DNAH11: variants seen among roughly 807,000 people sequenced by gnomAD.
DNAH11 encodes axonemal beta dynein heavy chain 11.
DNAH11 carries 442 observed loss-of-function variants against 526.0 expected under a neutral mutation model. The observed-to-expected ratio is 0.84, with a 90% confidence interval of 0.78 to 0.91. The LOEUF is 0.91. DNAH11 is among the 40% of genes least tolerant of loss of function. The pLI, the probability that DNAH11 is intolerant of heterozygous loss-of-function variation, is 0.00. For missense variants in DNAH11, 6,989 were observed against 5,448.7 expected, an observed-to-expected ratio of 1.28 and a Z score of -8.90; for synonymous variants, 2,461 against 1,935.9, an observed-to-expected ratio of 1.27 and a Z score of -7.12.
At chr7:21,555,882 C>T (rs980634255) in intron 2 of DNAH11, among the ~76,000 whole-genome samples, 1 of 152,118 alleles carries the variant, frequency 6.6e-6, no homozygotes, top group Non-Finnish European at 1.5e-5. Context: ...CCAGACGGGC[C>T]CCCAAGTTTG....
At chr7:21,794,451 C>T (rs983714177) in intron 61 of DNAH11, among the ~76,000 whole-genome samples, 3 of 152,302 alleles carry the variant, frequency 2.0e-5, no homozygotes, top group African/African-American at 7.2e-5. Context: ...TAGATCACTG[C>T]TTCCTTTTCA....
intron 25 of DNAH11, among the ~76,000 whole-genome samples, chr7:21,635,454 C>T (rs1269450340): frequency 6.6e-6 from 1 of 152,118 alleles, no homozygotes; most frequent in African/African-American, 2.4e-5. Context: ...CCGTGCCCGG[C>T]CTATTTTTTT....
intron 28 of DNAH11, among the ~76,000 whole-genome samples, chr7:21,648,972 T>G (rs929112273): frequency 2.0e-5 from 3 of 152,230 alleles, no homozygotes; most frequent in African/African-American, 7.2e-5. Flanking sequence ...TGTGTTTCTC[T>G]TTACTTAAAA....
intron 76 of DNAH11, among the ~76,000 whole-genome samples, chr7:21,887,666 T>G (rs375397507): frequency 2.0e-5 from 3 of 152,190 alleles, no homozygotes; most frequent in Admixed American, 6.5e-5. Flanking sequence ...GAAATCTTTT[T>G]ATTATAAAGT....
chr7:21,814,418 G>C (rs897008752), intron 63 of DNAH11, among the ~76,000 whole-genome samples: 5 of 148,966 alleles, frequency 3.4e-5, no homozygotes, highest in Admixed American at 2.0e-4. Flanking sequence ...ACATTGTGCG[G>C]GTTAGTTACA....
At chr7:21,554,073 C>T (rs1273555455) in intron 2 of DNAH11, among the ~76,000 whole-genome samples, 2 of 151,928 alleles carry the variant, frequency 1.3e-5, no homozygotes, top group African/African-American at 4.8e-5. Flanking sequence ...TGTTGAATCT[C>T]CAATGCCTTT....
chr7:21,788,646 G>C (rs923280252), intron 60 of DNAH11, among the ~76,000 whole-genome samples: 1 of 152,126 alleles, frequency 6.6e-6, no homozygotes, highest in African/African-American at 2.4e-5. Flanking sequence ...TGCTTAAGGT[G>C]GTTGGGAACT....
intron 75 of DNAH11, among the ~76,000 whole-genome samples, chr7:21,882,166 C>T (rs185090609): frequency 6.6e-6 from 1 of 152,236 alleles, no homozygotes; most frequent in Admixed American, 6.5e-5. Context: ...TCCTATACAC[C>T]ATTGAGGTGG....
At chr7:21,612,282 A>G (rs540461719) in intron 20 of DNAH11, among the ~76,000 whole-genome samples, 150 of 151,970 alleles carry the variant, frequency 9.9e-4, no homozygotes, top group East Asian at 1.7e-3. Context: ...AAGGCTGGGC[A>G]TGGTGGCTCA....
intron 35 of DNAH11, among the ~76,000 whole-genome samples, chr7:21,697,585 G>T (rs950010195): frequency 6.6e-6 from 1 of 152,094 alleles, no homozygotes; most frequent in African/African-American, 2.4e-5. Flanking sequence ...TGTCTATTGT[G>T]TCTGTATGGT....
chr7:21,622,704 A>G (rs1441564944), intron 25 of DNAH11, among the ~76,000 whole-genome samples: 1 of 152,206 alleles, frequency 6.6e-6, no homozygotes, highest in Non-Finnish European at 1.5e-5. Flanking sequence ...CCTGAGAAAA[A>G]CAAGCAATGG....
At position 21,861,879 on chromosome 7, in the gene DNAH11, G is replaced by C; in HGVS notation, c.11229G>C (p.Ala3743=). The C allele has an allele frequency of 1.9e-6, 3 of 1,613,286 alleles. No homozygotes were observed. The highest frequency in any genetic ancestry group is 2.5e-6 in the Non-Finnish European group (3 of 1,179,642). Residue 3743 remains alanine, a synonymous_variant, in exon 69 of 82, where the codon GCG becomes GCC. Coordinates refer to ENST00000409508, the MANE Select transcript of DNAH11 (RefSeq NM_001277115.2). Reference sequence around the variant, plus strand: ...CTTTTAACGTGCTGTTCCACAGAGCGATCGAGCAGGCTGACAAGGTGGAAG... The same window carrying C: ...CTTTTAACGTGCTGTTCCACAGAGCCATCGAGCAGGCTGACAAGGTGGAAG... The part of the protein sequence containing the change: ...LKAFNVLFHR[A]IEQADKVEDM...
intron 5 of DNAH11, among the ~76,000 whole-genome samples, chr7:21,562,203 G>T (rs921439719): frequency 6.6e-6 from 1 of 152,092 alleles, no homozygotes; most frequent in Non-Finnish European, 1.5e-5. Flanking sequence ...AACATTTTGG[G>T]TTAGATAATT....
chr7:21,602,238 C>T (rs2128447471), intron 18 of DNAH11, among the ~76,000 whole-genome samples: 1 of 152,186 alleles, frequency 6.6e-6, no homozygotes, highest in Admixed American at 6.5e-5. Context: ...ACTCAGGAGG[C>T]TGAGGCAGAA....
chr7:21,869,061 C>G (rs1435285046), intron 73 of DNAH11, 70 bp downstream of exon 73: 11 of 1,597,480 alleles, frequency 6.9e-6, no homozygotes, highest in Non-Finnish European at 9.4e-6. Context: ...GCTGGCCCGC[C>G]CAACAGAATG....
intron 8 of DNAH11, 28 bp downstream of exon 8, chr7:21,572,001 G>A (rs7804044): frequency 6.8e-7 from 1 of 1,467,300 alleles, no homozygotes; most frequent in Non-Finnish European, 9.0e-7. Flanking sequence ...CATTTTCATT[G>A]CATGGGATCC....
In DNAH11 at chr7:21,705,385, T is replaced by C. The variant is rs550918595; in HGVS notation, c.6469-75T>C. On this transcript the variant is annotated intron_variant, in intron 38 of 81. Transcript: ENST00000409508. ...GGCTTGGGTGTAAGGAAAGAAGAAT[T>C]GGGCAAAAATGGTAGATTATCTTTT... 7.3e-6 allele frequency: 11 copies of C among 1,502,278 alleles called. No individual in the cohort carries two copies. The African/African-American group carries it at 1.5e-4, about 21-fold the overall frequency. 93.1% of individuals were successfully genotyped at this position (1,502,278 alleles called of 1,614,324 possible). A position where few individuals can be genotyped will look rare whatever the true frequency, so the allele number is the denominator to read the frequency against.
At chr7:21,744,405 A>C in intron 49 of DNAH11, 33 bp from the exon 50 acceptor site, 4 of 1,605,876 alleles carry the variant, frequency 2.5e-6, no homozygotes, top group Non-Finnish European at 3.4e-6. Flanking sequence ...CAGCCTCTGA[A>C]TTAAAGGTAT....
intron 36 of DNAH11, among the ~76,000 whole-genome samples, chr7:21,702,086 C>T (rs932307858): frequency 6.6e-5 from 10 of 152,102 alleles, no homozygotes; most frequent in African/African-American, 2.4e-4. Context: ...TCCCAGGGAG[C>T]ATGGAGTTGC....
Sources: allele counts gnomAD v4.1 joint callset (sites outside exome capture counted in the v4.1 genomes callset), GRCh38; gene constraint gnomAD v4.1.1; transcripts MANE v1.5; gene names NCBI Gene and HGNC (gene_info 2026-07-23, HGNC 2026-07-21).